The following RASSF8 variants were observed in gnomAD, a reference collection of about 807,000 sequenced individuals.
The protein encoded by RASSF8 is Ras association domain family member 8, also known as ras association domain-containing protein 8.
Under a neutral mutation model 48.5 loss-of-function variants are expected in RASSF8, and 22 were observed. That is an observed-to-expected ratio of 0.45 (90% confidence interval 0.32 to 0.65). The LOEUF (loss-of-function observed/expected upper bound fraction) is 0.65. Ranked by LOEUF, RASSF8 falls within the 30% of genes least tolerant of loss-of-function variation. The pLI, the probability that RASSF8 is intolerant of heterozygous loss-of-function variation, is 0.03. For missense variants in RASSF8, 418 were observed against 489.2 expected (o/e 0.85, Z 1.37); for synonymous variants, 127 against 171.5 (o/e 0.74, Z 2.03).
chr12:26,041,590 T>G (rs1028793963), intron 2 of RASSF8, among the ~76,000 whole-genome samples: 12 of 151,662 alleles, frequency 7.9e-5, no homozygotes, highest in East Asian at 1.9e-4. Context: ...AGAAGCAGAG[T>G]GGGGGGGTGT....
chr12:26,044,134 C>T (rs1039441479), intron 2 of RASSF8, among the ~76,000 whole-genome samples: 2 of 152,174 alleles, frequency 1.3e-5, no homozygotes, highest in Admixed American at 6.5e-5. Context: ...GTCACTATTG[C>T]CATGCTGCTA....
At position 26,055,252 on chromosome 12, in the gene RASSF8, A is replaced by T; in HGVS notation, c.-92A>T. The T allele has an allele frequency of 1.0e-6, 1 of 1,001,866 alleles. No homozygotes were observed. Among genetic ancestry groups the T allele is most frequent in the Non-Finnish European group, 1.6e-6 (1 of 624,586 alleles). The allele number at this position is 1,001,866 out of a possible 1,614,324, so 62.1% of individuals were successfully genotyped here. On this transcript the variant is annotated 5_prime_UTR_variant, in exon 3 of 6. Coordinates refer to ENST00000689635, the MANE Select transcript of RASSF8 (RefSeq NM_001394098.1). The stretch of plus-strand genomic sequence containing the variant: ...CTTTTTTAGCTGACTACACAGACTT[A>T]GTCTTCTCCACTCCGTGTTCCTGCA...
chr12:26,077,962 G>C (rs1944086127), intron 5 of RASSF8, among the ~76,000 whole-genome samples: 1 of 152,182 alleles, frequency 6.6e-6, no homozygotes, highest in Non-Finnish European at 1.5e-5. Context: ...TTTAATGTCA[G>C]GTCAAAATCG....
downstream of RASSF8, among the ~76,000 whole-genome samples, chr12:26,076,951 G>A (rs1412603772): frequency 3.3e-5 from 5 of 152,288 alleles, no homozygotes; most frequent in African/African-American, 4.8e-5. Context: ...TTTAATGATT[G>A]CCATTCTAAC....
intron 1 of RASSF8, among the ~76,000 whole-genome samples, chr12:25,967,413 T>C (rs150097235): frequency 0.045 from 6,864 of 152,328 alleles, 184 homozygotes; most frequent in Middle Eastern, 0.095. Flanking sequence ...ATAATTATAT[T>C]ACTTTTCTTT....
intron 1 of RASSF8, among the ~76,000 whole-genome samples, chr12:25,983,470 T>G (rs148479605): frequency 6.6e-6 from 1 of 152,236 alleles, no homozygotes; most frequent in African/African-American, 2.4e-5. Flanking sequence ...ATCTAGAAAC[T>G]GATCTTATCA....
At chr12:25,985,888 G>A (rs544839631) in intron 1 of RASSF8, among the ~76,000 whole-genome samples, 1 of 152,184 alleles carries the variant, frequency 6.6e-6, no homozygotes, top group East Asian at 1.9e-4. Flanking sequence ...GGACACCTGG[G>A]ACATATGTTC....
chr12:25,991,409 CT>C lies in RASSF8; in HGVS notation c.-202-3616del, dbSNP rs571185999. ...AGTTGCCCCATGCCTACAGACGTAACTTTTTTTTTTTTCTTTTTTTGAACTC... is the reference window on the plus strand; with the variant it reads ...AGTTGCCCCATGCCTACAGACGTAACTTTTTTTTTTTCTTTTTTTGAACTC... On this transcript the variant is annotated intron_variant, in intron 1 of 5. Coordinates refer to ENST00000689635, the MANE Select transcript of RASSF8 (RefSeq NM_001394098.1). Among the ~76,000 whole-genome samples, 1,413 of 146,684 alleles carry C rather than the reference CT, an allele frequency of 9.6e-3. 23 individuals are homozygous for C. Among genetic ancestry groups the C allele is most frequent in the African/African-American group, 0.032 (1,291 of 40,302 alleles).
At chr12:26,077,781 A>C (rs970734857), downstream of RASSF8, among the ~76,000 whole-genome samples, 4 of 152,190 alleles carry the variant, frequency 2.6e-5, no homozygotes, top group Non-Finnish European at 4.4e-5. Flanking sequence ...CATCTTACTG[A>C]ATCATTGAAC....
intron 2 of RASSF8, among the ~76,000 whole-genome samples, chr12:26,049,638 T>C (rs1172277841): frequency 6.6e-6 from 1 of 152,188 alleles, no homozygotes; most frequent in Non-Finnish European, 1.5e-5. Flanking sequence ...AAAATATAAT[T>C]GTCAGTAAGC....
chr12:25,977,819 G>A (rs1376736302), intron 1 of RASSF8, among the ~76,000 whole-genome samples: 1 of 152,172 alleles, frequency 6.6e-6, no homozygotes, highest in Non-Finnish European at 1.5e-5. Flanking sequence ...TTATCATTAA[G>A]GACCACTGAC....
intron 1 of RASSF8, among the ~76,000 whole-genome samples, chr12:25,960,859 A>G (rs1194697346): frequency 6.6e-6 from 1 of 152,222 alleles, no homozygotes; most frequent in Non-Finnish European, 1.5e-5. Flanking sequence ...TTCACTTTGC[A>G]GAAGTGTCAG....
At chr12:26,002,220 A>C (rs1731123100) in intron 2 of RASSF8, among the ~76,000 whole-genome samples, 1 of 150,394 alleles carries the variant, frequency 6.6e-6, no homozygotes, top group African/African-American at 2.4e-5. Context: ...ATCACCTGAG[A>C]TTAGCAGTTT....
intron 2 of RASSF8, among the ~76,000 whole-genome samples, chr12:26,042,492 C>A (rs1029469291): frequency 2.0e-5 from 3 of 152,106 alleles, no homozygotes; most frequent in Non-Finnish European, 2.9e-5. Context: ...TAGGGTGGAG[C>A]ATGTCTTCTT....
chr12:26,004,131 T>C (rs2136994418), intron 2 of RASSF8, among the ~76,000 whole-genome samples: 1 of 152,310 alleles, frequency 6.6e-6, no homozygotes, highest in East Asian at 1.9e-4. Flanking sequence ...GAGTTGTGAT[T>C]GTGCCACTGC....
At chr12:26,045,038 G>A (rs902974788) in intron 2 of RASSF8, among the ~76,000 whole-genome samples, 1 of 151,928 alleles carries the variant, frequency 6.6e-6, no homozygotes, top group East Asian at 1.9e-4. Context: ...TTTCATCTAG[G>A]GACTTAATTA....
intron 4 of RASSF8, among the ~76,000 whole-genome samples, chr12:26,067,320 A>G (rs1424171615): frequency 2.0e-5 from 3 of 152,192 alleles, no homozygotes; most frequent in African/African-American, 7.2e-5. Flanking sequence ...TTCCAGAGGA[A>G]AGCATCACAT....
At chr12:26,017,096 G>A (rs1374270207) in intron 2 of RASSF8, among the ~76,000 whole-genome samples, 3 of 151,946 alleles carry the variant, frequency 2.0e-5, no homozygotes, top group Admixed American at 1.3e-4. Flanking sequence ...GGAATAAAAA[G>A]CTATTTAGCC....
rs1411940917 is a variant in RASSF8, at chr12:26,078,530, A to G, written c.1139-503A>G. 2.6e-5 allele frequency among the ~76,000 whole-genome samples: 4 copies of G among 152,316 alleles called. No individual in the cohort carries two copies. The East Asian group carries it at 7.7e-4, about 29-fold the overall frequency. On this transcript the variant is annotated intron_variant, in intron 5 of 5. Transcript: ENST00000381352. ...GCCTTTTCCTGGCTGTGAGCCAGTA[A>G]CCCCTTCCAAGTACTCACTTGATCA...
Sources: allele counts gnomAD v4.1 joint callset (sites outside exome capture counted in the v4.1 genomes callset), GRCh38; gene constraint gnomAD v4.1.1; transcripts MANE v1.5; gene names NCBI Gene and HGNC (gene_info 2026-07-23, HGNC 2026-07-21).